Variants in DLC1 observed in about 807,000 individuals in gnomAD.
DLC1 encodes the protein rho GTPase-activating protein 7.
In DLC1, 54 loss-of-function variants were observed where a neutral mutation model predicts 140.3. The observed-to-expected ratio is 0.38, with a 90% CI of 0.31 to 0.48. The LOEUF (loss-of-function observed/expected upper bound fraction) is 0.48. Among genes scored for constraint, DLC1 ranks in the 20% least tolerant of loss-of-function variants. DLC1 has a pLI of 0.96. For synonymous variants in DLC1, 986 were observed against 728.1 expected, an observed-to-expected ratio of 1.35 and a Z score of -5.70; for missense variants, 2,536 against 1,907.0, an observed-to-expected ratio of 1.33 and a Z score of -6.14.
chr8:13,185,365 T>C (rs1194113971), intron 5 of DLC1, among the ~76,000 whole-genome samples: 1 of 151,360 alleles, frequency 6.6e-6, no homozygotes, highest in Non-Finnish European at 1.5e-5. Context: ...TGGAGTGCAG[T>C]GGTGCCATCT....
intron 2 of DLC1, among the ~76,000 whole-genome samples, chr8:13,440,897 T>G (rs371587153): frequency 6.6e-6 from 1 of 152,282 alleles, no homozygotes; most frequent in African/African-American, 2.4e-5. Context: ...GTAAATCCAA[T>G]TAAACCTCCT....
At chr8:13,144,344 A>G (rs1038498878) in intron 5 of DLC1, among the ~76,000 whole-genome samples, 1 of 152,170 alleles carries the variant, frequency 6.6e-6, no homozygotes, top group African/African-American at 2.4e-5. Flanking sequence ...CCACTGTCAG[A>G]TTCCTTGGTT....
chr8:13,450,198 T>C (rs1005128782), intron 2 of DLC1, among the ~76,000 whole-genome samples: 2 of 151,656 alleles, frequency 1.3e-5, no homozygotes, highest in African/African-American at 4.8e-5. Flanking sequence ...GCCTGGGTGG[T>C]AATCACAGCA....
chr8:13,430,696 T>A (rs751061999), intron 2 of DLC1, among the ~76,000 whole-genome samples: 1 of 152,212 alleles, frequency 6.6e-6, no homozygotes, highest in Admixed American at 6.5e-5. Context: ...GTAATTAATT[T>A]AAAAATCTAG....
intron 5 of DLC1, among the ~76,000 whole-genome samples, chr8:13,258,078 A>G (rs1426377175): frequency 6.6e-6 from 1 of 152,222 alleles, no homozygotes; most frequent in Non-Finnish European, 1.5e-5. Context: ...CAATCCTTGT[A>G]GTGTTTTAGA....
Position 13,099,407 on chromosome 8 carries a change from G to A in DLC1, c.2930C>T (p.Pro977Leu), listed in dbSNP as rs1563589635. ...ATCCCTTCTTTCCGGGATCTCGGAG[G>A]GCTCTTCCGGTTCATTCAGGGAGTT... The part of the protein sequence containing the change: ...TGNSLNEPEE[P>L]SEIPERRDSG... The change falls in exon 9 of 18, where the codon CCC (proline) becomes CTC (leucine). Residue 977 changes from proline to leucine, a missense_variant. Transcript: ENST00000276297. The A allele has an allele frequency of 6.2e-7, 1 of 1,614,078 alleles. No homozygotes were observed. The highest frequency in any genetic ancestry group is 2.2e-5 in the East Asian group (1 of 44,868).
intron 1 of DLC1, among the ~76,000 whole-genome samples, chr8:13,523,806 T>A (rs1036737681): frequency 1.1e-4 from 16 of 151,976 alleles, no homozygotes; most frequent in African/African-American, 1.7e-4. Flanking sequence ...CGTGAGATGC[T>A]TTTATTAGGA....
At chr8:13,562,972 G>A (rs1481413266) in intron 1 of DLC1, among the ~76,000 whole-genome samples, 1 of 151,634 alleles carries the variant, frequency 6.6e-6, no homozygotes, top group African/African-American at 2.4e-5. Flanking sequence ...TAACAAGAGA[G>A]GAACACATGT....
intron 4 of DLC1, among the ~76,000 whole-genome samples, chr8:13,358,537 G>C (rs183649662): frequency 6.6e-6 from 1 of 152,132 alleles, no homozygotes; most frequent in Admixed American, 6.5e-5. Context: ...TACAGTAGGG[G>C]AAGGAAATGT....
intron 2 of DLC1, among the ~76,000 whole-genome samples, chr8:13,498,007 A>AT (rs201733656): frequency 8.6e-4 from 131 of 151,886 alleles, no homozygotes; most frequent in African/African-American, 2.8e-3. Context: ...AAAGTAGTAG[A>AT]TTTTTTTTTC....
At chr8:13,146,302 G>T (rs577361596) in intron 5 of DLC1, among the ~76,000 whole-genome samples, 1 of 151,164 alleles carries the variant, frequency 6.6e-6, no homozygotes, top group African/African-American at 2.4e-5. Context: ...ACTGTAATAC[G>T]TAATAGTTGT....
intron 4 of DLC1, among the ~76,000 whole-genome samples, chr8:13,357,224 T>C (rs1834983868): frequency 6.6e-6 from 1 of 151,954 alleles, no homozygotes; most frequent in Admixed American, 6.6e-5. Context: ...TGAGCCAAGA[T>C]TGTACCACTG....
At chr8:13,417,493 G>A (rs1356987633) in intron 2 of DLC1, among the ~76,000 whole-genome samples, 1 of 151,678 alleles carries the variant, frequency 6.6e-6, no homozygotes, top group African/African-American at 2.4e-5. Flanking sequence ...AGTTTACTGA[G>A]AATGATGATT....
intron 5 of DLC1, among the ~76,000 whole-genome samples, chr8:13,221,708 G>C (rs1318578230): frequency 8.5e-6 from 1 of 117,346 alleles, no homozygotes; most frequent in Non-Finnish European, 1.7e-5. Context: ...ATATGTGTGT[G>C]TATATGTGTG....
chr8:13,563,258 G>A (rs951090506), intron 1 of DLC1, among the ~76,000 whole-genome samples: 3 of 152,250 alleles, frequency 2.0e-5, no homozygotes, highest in Middle Eastern at 6.8e-3. Flanking sequence ...TCTTGAGGCA[G>A]TCAGATAAAT....
rs142586910 is a variant in DLC1, at chr8:13,092,725, G to A, written c.3627C>T (p.Ser1209=). Residue 1209 remains serine (S), a synonymous_variant, in exon 13 of 18, where the codon AGC becomes AGT. Transcript: ENST00000276297. ...EVLQTLLYFL[S]DVTAAVKENQ... ...TTTCTTTTACGGCTGCTGTGACATC[G>A]CTCAGGAAATAAAGCAGGGTCTGCA... 1.6e-4 allele frequency: 258 copies of A among 1,614,114 alleles called. No homozygotes were observed. The highest frequency in any genetic ancestry group is 2.0e-4 in the Non-Finnish European group (234 of 1,180,024).
chr8:13,322,417 T>G (rs1252146328), intron 4 of DLC1, among the ~76,000 whole-genome samples: 1 of 152,174 alleles, frequency 6.6e-6, no homozygotes, highest in Admixed American at 6.5e-5. Context: ...CATAAACCCT[T>G]TTTTATTTTG....
Position 13,375,712 on chromosome 8 carries a change from G to C in DLC1, c.1314+17841C>G, listed in dbSNP as rs140618356. Among the ~76,000 whole-genome samples the C allele has an allele frequency of 2.8e-3, 386 of 138,756 alleles. 1 individual carries two copies. The highest frequency in any genetic ancestry group is 9.5e-3 in the African/African-American group (347 of 36,606). The allele number at this position is 138,756 out of a possible 152,430, so 91.0% of individuals were successfully genotyped here. ...ATCTAAATTGAATATTTTCAATGATGACTGTTATTTTATTTTATTTTTATT... is the reference window on the plus strand; with the variant it reads ...ATCTAAATTGAATATTTTCAATGATCACTGTTATTTTATTTTATTTTTATT... On this transcript the variant is annotated intron_variant, in intron 4 of 17. Coordinates refer to ENST00000276297, the MANE Select transcript of DLC1 (RefSeq NM_182643.3).
At chr8:13,143,352 C>G (rs1350414786) in intron 5 of DLC1, among the ~76,000 whole-genome samples, 2 of 152,202 alleles carry the variant, frequency 1.3e-5, no homozygotes, top group Non-Finnish European at 2.9e-5. Context: ...TCAATGTCCC[C>G]TTCCCCTGAA....
Sources: gnomAD v4.1 joint callset for allele counts (sites outside exome capture counted in the v4.1 genomes callset) on GRCh38, gnomAD v4.1.1 for gene constraint, MANE v1.5 for transcripts, NCBI Gene and HGNC (gene_info 2026-07-23, HGNC 2026-07-21) for gene names.